Variants in PDXDC1 observed in about 807,000 individuals in gnomAD.
PDXDC1 encodes the protein pyridoxal dependent decarboxylase domain containing 1.
A neutral mutation model predicts 100.1 loss-of-function variants in PDXDC1; 42 were observed. The ratio of observed to expected loss-of-function variants is 0.42; its 90% CI spans 0.33 to 0.54. The LOEUF (loss-of-function observed/expected upper bound fraction) is 0.54, where lower values mean the gene tolerates loss of function less well. Ranked by LOEUF, PDXDC1 falls within the 20% of genes least tolerant of loss-of-function variation. The pLI, the probability that PDXDC1 is intolerant of heterozygous loss-of-function variation, is 0.10. For missense variants in PDXDC1, 636 were observed against 979.2 expected (o/e 0.65, Z 4.68); for synonymous variants, 260 against 371.7 (o/e 0.70, Z 3.46).
At chr16:15,008,661 T>G (rs2041001869) in intron 6 of PDXDC1, 118 bp from the exon 7 acceptor site, 1 of 925,574 alleles carries the variant, frequency 1.1e-6, no homozygotes, top group African/African-American at 1.7e-5. Flanking sequence ...TAAGAGTTCC[T>G]AAGGAGAGAG....
downstream of PDXDC1, chr16:15,040,025 G>A (rs371093897): frequency 6.2e-7 from 1 of 1,612,116 alleles, no homozygotes; most frequent in Non-Finnish European, 8.5e-7. Context: ...CCCCGATCTT[G>A]AAAGGATGCT....
rs1278562614 is a variant in PDXDC1, at chr16:15,136,897, G to A, written c.1400-1982G>A. The A allele has an allele frequency of 2.1e-5, 34 of 1,599,812 alleles. 1 individual carries two copies. In the Middle Eastern group the frequency reaches 1.8e-3, roughly 85 times the overall value. On this transcript the variant is annotated intron_variant, in intron 16 of 16. Transcript: ENST00000535621. ...GGGCCGGCTCCTCGCCCAGGGCCAC[G>A]ATGCTGTAGGCAGCCTCCAGGCCTG...
chr16:15,146,643 C>T, the PDXDC1 span, among the ~76,000 whole-genome samples: 1 of 152,168 alleles, frequency 6.6e-6, no homozygotes. Context: ...TCCACCCGCC[C>T]AGGCTGCACT....
At chr16:15,130,545 C>T in intron 16 of PDXDC1, 2 of 1,347,558 alleles carry the variant, frequency 1.5e-6, no homozygotes, top group Non-Finnish European at 2.1e-6. Flanking sequence ...AGTCCCCTCG[C>T]TGCCTGCCGT....
At chr16:14,992,625 A>G (rs1971095120) in intron 1 of PDXDC1, among the ~76,000 whole-genome samples, 2 of 152,288 alleles carry the variant, frequency 1.3e-5, no homozygotes, top group Admixed American at 6.5e-5. Flanking sequence ...AAATTTGTCT[A>G]TTTTATCTAA....
At chr16:15,030,544 CAAAAAAAAAAAAA>C (rs1156634836) in intron 16 of PDXDC1, among the ~76,000 whole-genome samples, 1 of 38,378 alleles carries the variant, frequency 2.6e-5, no homozygotes, top group Admixed American at 4.7e-4. Context: ...GACTCCATCT[CAAAAAAAAAAAAA>C]AAAAAAAAAA....
chr16:15,125,587 T>C (rs1160038934), intron 16 of PDXDC1: 78 of 1,474,210 alleles, frequency 5.3e-5, no homozygotes, highest in Non-Finnish European at 7.3e-5. Context: ...ACTCTTCACC[T>C]GTCCAGCAAA....
chr16:15,009,122 TTTC>T (rs1416798539), intron 7 of PDXDC1, among the ~76,000 whole-genome samples: 2 of 152,292 alleles, frequency 1.3e-5, no homozygotes, highest in African/African-American at 2.4e-5. Flanking sequence ...GCACCAGAAA[TTTC>T]TTCTGAAGCT....
chr16:15,098,923 A>G (rs1759190605), intron 16 of PDXDC1, among the ~76,000 whole-genome samples: 1 of 152,160 alleles, frequency 6.6e-6, no homozygotes. Flanking sequence ...ACTGGAAGCC[A>G]TTTGATGCAA....
chr16:15,149,786 A>G, the PDXDC1 span, among the ~76,000 whole-genome samples: 1 of 152,042 alleles, frequency 6.6e-6, no homozygotes, highest in Non-Finnish European at 1.5e-5. Flanking sequence ...GGCAACCAGC[A>G]CCAGAAGTGG....
chr16:15,137,357 G>A (rs1490373257), intron 16 of PDXDC1: 4 of 1,514,948 alleles, frequency 2.6e-6, no homozygotes, highest in African/African-American at 2.8e-5. Flanking sequence ...GGAGGCACTA[G>A]AGGGCTGGGC....
downstream of PDXDC1, chr16:15,038,836 A>G: frequency 1.7e-6 from 1 of 583,236 alleles, no homozygotes; most frequent in Non-Finnish European, 3.0e-6. Context: ...GCTGCCAGCT[A>G]CTGAACACGT....
intron 16 of PDXDC1, chr16:15,127,165 G>A: frequency 2.6e-6 from 1 of 379,960 alleles, no homozygotes; most frequent in Non-Finnish European, 5.1e-6. Flanking sequence ...CTTCTGGAGT[G>A]CATTTCGGAA....
chr16:15,044,517 A>C, intron 16 of PDXDC1: 1 of 751,878 alleles, frequency 1.3e-6, no homozygotes, highest in South Asian at 1.5e-5. Flanking sequence ...TCTACAGCAG[A>C]GCTGCAGGTC....
At chr16:14,984,495 A>ATATATATATATATATT (rs1555542734) in intron 1 of PDXDC1, among the ~76,000 whole-genome samples, 13 of 73,486 alleles carry the variant, frequency 1.8e-4, no homozygotes, top group South Asian at 5.4e-4. Flanking sequence ...ATATATATAT[A>ATATATATATATATATT]TTTTTTTTTT....
intron 16 of PDXDC1, among the ~76,000 whole-genome samples, chr16:15,117,684 C>G (rs1433824123): frequency 9.3e-6 from 1 of 107,126 alleles, no homozygotes; most frequent in Non-Finnish European, 1.9e-5. Context: ...CAGAGGGAGA[C>G]TCGTCTTGGG....
At chr16:15,139,525 T>C (rs1168225595), downstream of PDXDC1, among the ~76,000 whole-genome samples, 3 of 138,702 alleles carry the variant, frequency 2.2e-5, 1 homozygote, top group Non-Finnish European at 3.1e-5. Flanking sequence ...AAAAGGAAAC[T>C]GGCTGTGGTG....
At chr16:15,044,166 C>T (rs1204640371) in intron 16 of PDXDC1, among the ~76,000 whole-genome samples, 5 of 152,196 alleles carry the variant, frequency 3.3e-5, no homozygotes, top group Non-Finnish European at 5.9e-5. Context: ...ATGAGCTCCA[C>T]GCATTCAGTC....
intron 16 of PDXDC1, among the ~76,000 whole-genome samples, chr16:15,068,853 A>C (rs935470587): frequency 6.6e-6 from 1 of 152,204 alleles, no homozygotes; most frequent in African/African-American, 2.4e-5. Context: ...TAAAGACATC[A>C]CATTTATTTT....
Sources: gnomAD v4.1 joint callset for allele counts (sites outside exome capture counted in the v4.1 genomes callset) on GRCh38, gnomAD v4.1.1 for gene constraint, MANE v1.5 for transcripts, NCBI Gene and HGNC (gene_info 2026-07-23, HGNC 2026-07-21) for gene names.